The following MAP3K8 variants were observed in gnomAD, a reference collection of about 807,000 sequenced individuals.
MAP3K8 encodes Ewing sarcoma transformant.
In MAP3K8, 22 loss-of-function variants were observed where a neutral mutation model predicts 45.8. The observed-to-expected ratio is 0.48, with a 90% confidence interval of 0.34 to 0.69. The LOEUF (loss-of-function observed/expected upper bound fraction) is 0.69. MAP3K8 is among the 30% of genes least tolerant of loss of function. MAP3K8 has a pLI of 0.01. For synonymous variants in MAP3K8, 223 were observed against 214.3 expected, an observed-to-expected ratio of 1.04 and a Z score of -0.36; for missense variants, 419 against 585.0, an observed-to-expected ratio of 0.72 and a Z score of 2.93.
chr10:30,437,402 A>C lies in MAP3K8; in HGVS notation c.-28A>C. The C allele has an allele frequency of 3.6e-4, 245 of 672,880 alleles. No homozygotes were observed. Among genetic ancestry groups the C allele is most frequent in the Non-Finnish European group, 4.2e-4 (229 of 544,222 alleles). The allele number at this position is 672,880 out of a possible 1,614,324, so 41.7% of individuals were successfully genotyped here. ...CTCTGTTAATCCTCACGACCACCTC[A>C]TGAGGTAGGTGCTGTTATTACTTCC... On this transcript the variant is annotated 5_prime_UTR_variant, in exon 2 of 9. The change abolishes an upstream ATG in the 5' untranslated region. Coordinates refer to ENST00000263056, the MANE Select transcript of MAP3K8 (RefSeq NM_005204.4).
At chr10:30,459,610 T>C in intron 8 of MAP3K8, 109 bp downstream of exon 8, 2 of 1,272,146 alleles carry the variant, frequency 1.6e-6, no homozygotes, top group Non-Finnish European at 2.2e-6. Flanking sequence ...AAATGACTTC[T>C]TGAGTACCAT....
At position 30,437,203 on chromosome 10, in the gene MAP3K8, A is replaced by G. The variant is rs1835941386; in HGVS notation, c.-227A>G. ...GCAATCTTCTTACCGCGAAGAAGCC[A>G]GGGGAATAGGTAGCCACATCTTGTT... On this transcript the variant is annotated 5_prime_UTR_variant, in exon 2 of 9. Coordinates refer to ENST00000263056, the MANE Select transcript of MAP3K8 (RefSeq NM_005204.4). 3.0e-6 allele frequency: 3 copies of G among 985,166 alleles called. No individual in the cohort carries two copies. Among genetic ancestry groups the G allele is most frequent in the Non-Finnish European group, 3.6e-6 (3 of 829,862 alleles). The allele number at this position is 985,166 out of a possible 1,614,324, so 61.0% of individuals were successfully genotyped here. A position where few individuals can be genotyped will look rare whatever the true frequency, so the allele number is the denominator to read the frequency against.
Position 30,448,084 on chromosome 10 carries a change from T to C in MAP3K8, c.504+135T>C, listed in dbSNP as rs1317566026. The C allele has an allele frequency of 6.7e-6, 5 of 751,258 alleles. No homozygotes were observed. In the East Asian group the frequency reaches 8.3e-5, roughly 12 times the overall value. The allele number at this position is 751,258 out of a possible 1,614,324, so 46.5% of individuals were successfully genotyped here. On this transcript the variant is annotated intron_variant, in intron 4 of 8. Transcript: ENST00000263056. ...CTGAGGGTGCACTGCCTCAAAGCAT[T>C]TGTTTTTCTGAATTTATTGGCTACT...
At chr10:30,450,634 G>C in intron 5 of MAP3K8, 115 bp downstream of exon 5, 1 of 845,272 alleles carries the variant, frequency 1.2e-6, no homozygotes, top group South Asian at 1.6e-5. Context: ...AGCTCCCTCA[G>C]AGCACCGTCC....
rs117160521 is a variant in MAP3K8 at position 30,453,677 on chromosome 10, C to T, written c.873+1933C>T. ...GGAGCAAGCCTTAGTGGTACTCCAG[C>T]GATCCTCACTCTTTGGTGGGAGGAC... On this transcript the variant is annotated intron_variant, in intron 6 of 8. Coordinates refer to ENST00000263056, the MANE Select transcript of MAP3K8 (RefSeq NM_005204.4). 5.1e-4 allele frequency among the ~76,000 whole-genome samples: 77 copies of T among 152,020 alleles called. 5 individuals are homozygous for T. In the East Asian group the frequency reaches 0.014, roughly 27 times the overall value.
intron 6 of MAP3K8, among the ~76,000 whole-genome samples, chr10:30,455,222 G>A (rs1016768223): frequency 6.6e-6 from 1 of 152,150 alleles, no homozygotes; most frequent in Admixed American, 6.5e-5. Context: ...TAGTACACAC[G>A]AGTTGAAGTT....
At chr10:30,459,770 G>C (rs1176973149) in intron 8 of MAP3K8, among the ~76,000 whole-genome samples, 1 of 152,008 alleles carries the variant, frequency 6.6e-6, no homozygotes, top group African/African-American at 2.4e-5. Flanking sequence ...TTTGCAACTT[G>C]CTTTTTTACA....
At chr10:30,446,653 A>G (rs1836350613) in intron 3 of MAP3K8, among the ~76,000 whole-genome samples, 1 of 152,166 alleles carries the variant, frequency 6.6e-6, no homozygotes, top group Admixed American at 6.5e-5. Flanking sequence ...TATCCCTTGA[A>G]AGAACACTCT....
chr10:30,447,500 A>C (rs1214320176), intron 3 of MAP3K8, among the ~76,000 whole-genome samples: 1 of 152,164 alleles, frequency 6.6e-6, no homozygotes, highest in Non-Finnish European at 1.5e-5. Flanking sequence ...ATGCTTTTTT[A>C]GATAAATAAT....
At chr10:30,440,074 T>C (rs138002738) in intron 3 of MAP3K8, among the ~76,000 whole-genome samples, 24 of 152,354 alleles carry the variant, frequency 1.6e-4, no homozygotes, top group African/African-American at 5.8e-4. Context: ...AAAGTATGAA[T>C]GGCAAGTGAT....
chr10:30,450,153 T>C, intron 4 of MAP3K8, 105 bp from the exon 5 acceptor site: 6 of 1,070,684 alleles, frequency 5.6e-6, no homozygotes, highest in Non-Finnish European at 8.1e-6. Flanking sequence ...CAGAGTATTC[T>C]TGAGGGCATT....
intron 3 of MAP3K8, among the ~76,000 whole-genome samples, chr10:30,442,779 A>G (rs1836158200): frequency 6.6e-6 from 1 of 152,112 alleles, no homozygotes; most frequent in African/African-American, 2.4e-5. Context: ...CCCCTTTTTT[A>G]CAACTTTATA....
intron 3 of MAP3K8, among the ~76,000 whole-genome samples, chr10:30,443,700 G>A (rs1331637741): frequency 3.9e-5 from 6 of 152,166 alleles, no homozygotes; most frequent in Non-Finnish European, 5.9e-5. Context: ...TATCACACCA[G>A]TCACTTGTGG....
At position 30,460,794 on chromosome 10, in the gene MAP3K8, C is replaced by T. The variant is rs1588800303; in HGVS notation, c.1362C>T (p.Tyr454=). ...LYIDLGALAG[Y]FNLVRGPPTL... Reference sequence around the variant, plus strand: ...TCGACCTCGGCGCTCTGGCTGGCTACTTCAATCTTGTTCGGGGACCACCAA... The same window carrying T: ...TCGACCTCGGCGCTCTGGCTGGCTATTTCAATCTTGTTCGGGGACCACCAA... Residue 454 remains tyrosine (Y), a synonymous_variant, in exon 9 of 9, where the codon TAC becomes TAT. Transcript: ENST00000263056. 1 of 1,614,056 alleles carries T rather than the reference C, an allele frequency of 6.2e-7. No individual in the cohort carries two copies. Among genetic ancestry groups the T allele is most frequent in the Non-Finnish European group, 8.5e-7 (1 of 1,180,014 alleles).
Position 30,459,569 on chromosome 10 carries a change from T to G in MAP3K8, c.1273+68T>G, listed in dbSNP as rs8177029. 3.2e-5 allele frequency: 50 copies of G among 1,568,594 alleles called. 1 individual carries two copies. The South Asian group carries it at 4.2e-4, about 13-fold the overall frequency. ...CTTTCTGTCCACATCAAACCTCTGA[T>G]GTAGTTCATGAAAGCACTTGGAAAA... is the stretch of plus-strand genomic sequence containing the variant. On this transcript the variant is annotated intron_variant, in intron 8 of 8. Transcript: ENST00000263056.
intron 5 of MAP3K8, among the ~76,000 whole-genome samples, chr10:30,451,318 G>T (rs8177010): frequency 6.6e-6 from 1 of 151,994 alleles, no homozygotes; most frequent in Non-Finnish European, 1.5e-5. Context: ...AAAAAAGATG[G>T]GTATTTTACT....
chr10:30,459,191 A>G (rs1836847754), intron 7 of MAP3K8, 64 bp from the exon 8 acceptor site: 3 of 1,588,422 alleles, frequency 1.9e-6, no homozygotes, highest in South Asian at 1.1e-5. Flanking sequence ...TGGTACTAGC[A>G]TGCTTTTGCT....
Position 30,439,278 on chromosome 10 carries a change from C to T in MAP3K8, c.336+4C>T, listed in dbSNP as rs886724478. 5.0e-6 allele frequency: 8 copies of T among 1,613,986 alleles called. No individual in the cohort carries two copies. Among genetic ancestry groups the T allele is most frequent in the Admixed American group, 3.3e-5 (2 of 60,000 alleles). ...ATCTGGAATTTTATTAAACATGGTA[C>T]GTTTCTTTCCGATCAGTTGGGTGCT... On this transcript the variant is annotated splice_donor_region_variant and intron_variant, in intron 3 of 8. Coordinates refer to ENST00000263056, the MANE Select transcript of MAP3K8 (RefSeq NM_005204.4).
chr10:30,453,037 A>C (rs1027725909), intron 6 of MAP3K8, among the ~76,000 whole-genome samples: 2 of 152,156 alleles, frequency 1.3e-5, no homozygotes, highest in Non-Finnish European at 2.9e-5. Flanking sequence ...TAAGTTTAGC[A>C]CTTAAAAAGC....
Sources: allele counts gnomAD v4.1 joint callset (sites outside exome capture counted in the v4.1 genomes callset), GRCh38; gene constraint gnomAD v4.1.1; transcripts MANE v1.5; gene names NCBI Gene and HGNC (gene_info 2026-07-23, HGNC 2026-07-21).